The following VPS13C variants were observed in gnomAD, a reference collection of about 807,000 sequenced individuals.
VPS13C encodes intermembrane lipid transfer protein VPS13C.
VPS13C carries 358 observed loss-of-function variants against 456.8 expected under a neutral mutation model. The ratio of observed to expected loss-of-function variants is 0.78; its 90% CI spans 0.72 to 0.86. VPS13C has a LOEUF of 0.86. VPS13C is among the 40% of genes least tolerant of loss of function. The pLI, the probability that VPS13C is intolerant of heterozygous loss-of-function variation, is 0.00. For missense variants in VPS13C, 4,818 were observed against 4,385.4 expected (o/e 1.10, Z -2.79); for synonymous variants, 1,578 against 1,486.7 (o/e 1.06, Z -1.41).
chr15:62,012,098 A>C lies in VPS13C; in HGVS notation c.883+9T>G. The stretch of plus-strand genomic sequence containing the variant: ...CTATAACATGAAATAAACTTTTACT[A>C]TTACTTACTGTATTGATAATTTGGG... On this transcript the variant is annotated intron_variant, in intron 12 of 84. Coordinates refer to ENST00000644861, the MANE Select transcript of VPS13C (RefSeq NM_020821.3). 1.4e-6 allele frequency: 2 copies of C among 1,448,476 alleles called. No homozygotes were observed. 89.7% of individuals were successfully genotyped at this position (1,448,476 alleles called of 1,614,324 possible).
intron 47 of VPS13C, among the ~76,000 whole-genome samples, chr15:61,939,758 G>A (rs1028492078): frequency 3.3e-5 from 5 of 152,192 alleles, no homozygotes; most frequent in African/African-American, 1.2e-4. Flanking sequence ...ATTTTGGGAG[G>A]CCGAGGAGGG....
intron 52 of VPS13C, among the ~76,000 whole-genome samples, chr15:61,926,481 T>C (rs1293306130): frequency 6.6e-6 from 1 of 152,210 alleles, no homozygotes; most frequent in Non-Finnish European, 1.5e-5. Context: ...AAAGAATATT[T>C]CATGATAAAG....
rs1237088236 is a variant in VPS13C at position 61,922,528 on chromosome 15, A to G, written c.6844T>C (p.Ser2282Pro). 1 of 1,614,102 alleles carries G rather than the reference A, an allele frequency of 6.2e-7. No individual in the cohort carries two copies. Among genetic ancestry groups the G allele is most frequent in the East Asian group, 2.2e-5 (1 of 44,868 alleles). ...CCACATTCTAAGGTAACTTGAATGG[A>G]TTCTACAACAACACCACAATTTTCC... ...IEENCGVVVE[S>P]IQVTLECGLG... The change falls in exon 54 of 85, where the codon TCC becomes CCC. Residue 2282 changes from serine (S) to proline (P), a missense_variant. Coordinates refer to ENST00000644861, the MANE Select transcript of VPS13C (RefSeq NM_020821.3).
chr15:61,945,756 T>C lies in VPS13C; in HGVS notation c.5107A>G (p.Ile1703Val), dbSNP rs2140273031. 6.2e-7 allele frequency: 1 copy of C among 1,609,044 alleles called. No individual in the cohort carries two copies. The highest frequency in any genetic ancestry group is 8.5e-7 in the Non-Finnish European group (1 of 1,178,316). ...AATTTATGAACATAAACAATCTGAA[T>C]ACAACCCACTTTAAAACTAAGTTTG... ...DGKLSFKVGC[I>V]QIVYVHKFFM... The change falls in exon 45 of 85, where the codon ATT (isoleucine) becomes GTT (valine). Residue 1703 changes from isoleucine to valine, a missense_variant. Ile to Val is a conservative substitution (Grantham distance 29). Transcript: ENST00000644861.
chr15:61,915,759 C>T lies in VPS13C; in HGVS notation c.8319G>A (p.Trp2773Ter). 6.2e-7 allele frequency: 1 copy of T among 1,614,056 alleles called. No individual in the cohort carries two copies. The change falls in exon 61 of 85, where the codon TGG (tryptophan) becomes TGA (stop). Residue 2773 changes from tryptophan (W) to a stop codon, truncating the protein, a stop_gained. Transcript: ENST00000644861. LOFTEE classifies it high-confidence loss of function. ...RMVLSVFSPY[W>*]LINKTTRVLQ... Reference sequence around the variant, plus strand: ...GAACCCGGGTAGTCTTGTTGATTAACCAATAGGGACTAAAGACAGACAGCA... The same window carrying T: ...GAACCCGGGTAGTCTTGTTGATTAATCAATAGGGACTAAAGACAGACAGCA...
chr15:62,042,729 T>G (rs912265959), intron 2 of VPS13C, among the ~76,000 whole-genome samples: 2 of 151,896 alleles, frequency 1.3e-5, no homozygotes, highest in Non-Finnish European at 2.9e-5. Context: ...ATTCATCAAT[T>G]TGGTTTAACT....
chr15:62,022,421 AT>A (rs1305321886), intron 8 of VPS13C, among the ~76,000 whole-genome samples: 2 of 151,828 alleles, frequency 1.3e-5, no homozygotes, highest in Non-Finnish European at 2.9e-5. Context: ...TCGACATAGG[AT>A]TTTAATGATA....
intron 15 of VPS13C, among the ~76,000 whole-genome samples, chr15:62,005,165 T>C (rs1454533764): frequency 2.6e-5 from 4 of 152,210 alleles, no homozygotes; most frequent in Admixed American, 6.5e-5. Flanking sequence ...TAAGTCTCTA[T>C]GTAGGTCACT....
rs769844617 is a variant in VPS13C, at chr15:61,929,632, G to A, written c.6155C>T (p.Ala2052Val). The A allele has an allele frequency of 6.2e-6, 10 of 1,613,738 alleles. No individual in the cohort carries two copies. The South Asian group carries it at 1.1e-4, about 18-fold the overall frequency. Reference protein sequence around the residue: ...DAVLDKLYVCASVEFLMTVAD... With the variant: ...DAVLDKLYVCVSVEFLMTVAD... ...CACAGTCATCAGAAATTCCACACTG[G>A]CACATACATACAGCTTGTCAAGAAC... Residue 2052 changes from alanine to valine, a missense_variant, in exon 51 of 85, where the codon GCC becomes GTC. Coordinates refer to ENST00000644861, the MANE Select transcript of VPS13C (RefSeq NM_020821.3).
At chr15:61,871,882 G>C in intron 79 of VPS13C, 107 bp downstream of exon 79, 1 of 947,198 alleles carries the variant, frequency 1.1e-6, no homozygotes, top group Admixed American at 2.6e-5. Flanking sequence ...ATAAAATTCA[G>C]TCAGTAATTT....
intron 23 of VPS13C, among the ~76,000 whole-genome samples, chr15:61,977,510 C>A (rs183470887): frequency 7.0e-4 from 107 of 151,970 alleles, no homozygotes; most frequent in African/African-American, 2.6e-3. Context: ...TCTATTACCT[C>A]AATTCCAGAA....
intron 81 of VPS13C, chr15:61,865,710 ATGTGTGTATATATGTGTT>A (rs1894518877): frequency 2.4e-6 from 1 of 411,260 alleles, no homozygotes; most frequent in Non-Finnish European, 3.3e-6. Flanking sequence ...GTGTATATGT[ATGTGTGTATATATGTGTT>A]TGTGTGTATG....
intron 9 of VPS13C, among the ~76,000 whole-genome samples, chr15:62,014,395 G>A (rs919568590): frequency 6.6e-6 from 1 of 152,046 alleles, no homozygotes; most frequent in Admixed American, 6.6e-5. Flanking sequence ...GTTTCTACAA[G>A]GACAGCATGT....
intron 16 of VPS13C, among the ~76,000 whole-genome samples, chr15:61,999,893 CAAAGAA>C (rs1445473510): frequency 2.0e-5 from 1 of 49,368 alleles, no homozygotes; most frequent in Admixed American, 2.0e-4. Context: ...GAAGAGGAAA[CAAAGAA>C]AAAGTAAAAA....
intron 79 of VPS13C, among the ~76,000 whole-genome samples, chr15:61,870,778 C>T (rs925482290): frequency 1.3e-5 from 2 of 152,146 alleles, no homozygotes; most frequent in African/African-American, 4.8e-5. Context: ...AATTTCTCCA[C>T]ATCCTCTTAA....
intron 37 of VPS13C, 76 bp downstream of exon 37, chr15:61,958,532 T>C: frequency 1.2e-6 from 1 of 829,716 alleles, no homozygotes; most frequent in South Asian, 1.7e-5. Context: ...TTGTTTACTT[T>C]TTATTTGCTG....
At chr15:61,959,817 A>T (rs2140313964) in intron 35 of VPS13C, among the ~76,000 whole-genome samples, 1 of 152,280 alleles carries the variant, frequency 6.6e-6, no homozygotes, top group Middle Eastern at 3.4e-3. Flanking sequence ...TTTTTTCTTT[A>T]AACAGTAGAT....
At chr15:61,974,144 A>AACACATT in intron 25 of VPS13C, 144 bp downstream of exon 25, 1 of 835,812 alleles carries the variant, frequency 1.2e-6, no homozygotes. Context: ...CTTTATTTAA[A>AACACATT]ACACATTATA....
At chr15:62,057,735 G>A (rs1216963744) in intron 1 of VPS13C, among the ~76,000 whole-genome samples, 1 of 152,060 alleles carries the variant, frequency 6.6e-6, no homozygotes, top group African/African-American at 2.4e-5. Flanking sequence ...TCCTTTTCTA[G>A]ATTTCACCAA....
Sources: gnomAD v4.1 joint callset for allele counts (sites outside exome capture counted in the v4.1 genomes callset) on GRCh38, gnomAD v4.1.1 for gene constraint, MANE v1.5 for transcripts, NCBI Gene and HGNC (gene_info 2026-07-23, HGNC 2026-07-21) for gene names.